LINGO2: variants seen among roughly 807,000 people sequenced by gnomAD.
LINGO2 encodes the protein leucine rich repeat and Ig domain containing 2, also known as leucine-rich repeat and immunoglobulin-like domain-containing nogo receptor-interacting protein 2.
LINGO2 carries 14 observed loss-of-function variants against 30.6 expected under a neutral mutation model. That is an observed-to-expected ratio of 0.46 (90% confidence interval 0.30 to 0.72). The LOEUF (loss-of-function observed/expected upper bound fraction) is 0.72, where lower values mean the gene tolerates loss of function less well. Ranked by LOEUF, LINGO2 falls within the 30% of genes least tolerant of loss-of-function variation. The pLI is 0.07. For missense variants in LINGO2, 729 were observed against 751.7 expected (o/e 0.97, Z 0.35); for synonymous variants, 317 against 288.5 (o/e 1.10, Z -1.00).
At chr9:29,136,303 A>G in the LINGO2 span, among the ~76,000 whole-genome samples, 3 of 152,104 alleles carry the variant, frequency 2.0e-5, no homozygotes, top group Non-Finnish European at 2.9e-5. Flanking sequence ...ATAAACTTAA[A>G]AAGAAATTTC....
the LINGO2 span, among the ~76,000 whole-genome samples, chr9:28,921,960 G>T: frequency 6.6e-6 from 1 of 152,230 alleles, no homozygotes; most frequent in African/African-American, 2.4e-5. Flanking sequence ...GCTCTTGGCA[G>T]GTGGTCTTCT....
chr9:28,089,519 G>A (rs141289596), intron 4 of LINGO2, among the ~76,000 whole-genome samples: 2 of 152,066 alleles, frequency 1.3e-5, no homozygotes, highest in Non-Finnish European at 2.9e-5. Context: ...GAACCAATGA[G>A]AACAAAGACA....
chr9:28,152,664 A>G (rs1828033523), intron 4 of LINGO2, among the ~76,000 whole-genome samples: 1 of 152,168 alleles, frequency 6.6e-6, no homozygotes, highest in Non-Finnish European at 1.5e-5. Flanking sequence ...GGACAACTGG[A>G]AGCTTTTTGA....
At chr9:28,638,094 G>A (rs563106861) in intron 1 of LINGO2, among the ~76,000 whole-genome samples, 37 of 152,108 alleles carry the variant, frequency 2.4e-4, no homozygotes, top group East Asian at 9.7e-4. Flanking sequence ...GGCTTTTGTC[G>A]TTGGTTCTGT....
chr9:28,801,554 A>G, the LINGO2 span, among the ~76,000 whole-genome samples: 1 of 152,222 alleles, frequency 6.6e-6, no homozygotes, highest in East Asian at 1.9e-4. Flanking sequence ...ACTTAATTTC[A>G]GTTACCTTAG....
At chr9:28,218,624 C>T (rs1820852288) in intron 4 of LINGO2, among the ~76,000 whole-genome samples, 2 of 152,232 alleles carry the variant, frequency 1.3e-5, no homozygotes, top group South Asian at 4.1e-4. Context: ...GAGTGGAGAA[C>T]ATGAGACCCT....
At chr9:28,302,367 T>A (rs756665938) in intron 3 of LINGO2, among the ~76,000 whole-genome samples, 6 of 152,184 alleles carry the variant, frequency 3.9e-5, no homozygotes, top group Non-Finnish European at 7.4e-5. Flanking sequence ...GGGATGTAGT[T>A]AGCATATTTG....
chr9:28,769,145 G>T, the LINGO2 span, among the ~76,000 whole-genome samples: 2 of 151,342 alleles, frequency 1.3e-5, no homozygotes, highest in African/African-American at 4.9e-5. Flanking sequence ...TTCTATATCT[G>T]CATTGTCAAA....
At chr9:29,101,475 G>A in the LINGO2 span, among the ~76,000 whole-genome samples, 1 of 152,042 alleles carries the variant, frequency 6.6e-6, no homozygotes, top group Non-Finnish European at 1.5e-5. Flanking sequence ...GGGATAGAAG[G>A]TAGGCCTGTA....
the LINGO2 span, among the ~76,000 whole-genome samples, chr9:28,933,672 G>C: frequency 1.3e-5 from 2 of 151,990 alleles, no homozygotes; most frequent in African/African-American, 2.4e-5. Flanking sequence ...TTGTATACTT[G>C]ATAACAAAAA....
At chr9:28,786,781 A>G in the LINGO2 span, among the ~76,000 whole-genome samples, 1 of 152,182 alleles carries the variant, frequency 6.6e-6, no homozygotes, top group East Asian at 1.9e-4. Flanking sequence ...AAGAACTGAA[A>G]TAACAGAGGG....
At chr9:29,108,232 T>C in the LINGO2 span, among the ~76,000 whole-genome samples, 1 of 152,118 alleles carries the variant, frequency 6.6e-6, no homozygotes, top group East Asian at 1.9e-4. Flanking sequence ...CTTGACATAA[T>C]ATAAACAAGA....
chr9:29,161,760 A>T, the LINGO2 span, among the ~76,000 whole-genome samples: 1 of 152,192 alleles, frequency 6.6e-6, no homozygotes, highest in African/African-American at 2.4e-5. Flanking sequence ...AACTCAAAGA[A>T]AACAGTTCCT....
At chr9:28,622,650 A>G (rs566887841) in intron 1 of LINGO2, among the ~76,000 whole-genome samples, 58 of 152,186 alleles carry the variant, frequency 3.8e-4, no homozygotes, top group African/African-American at 1.3e-3. Flanking sequence ...CAGTGCTGCA[A>G]CAAACACAGG....
At chr9:28,082,462 C>A (rs1023089957) in intron 4 of LINGO2, among the ~76,000 whole-genome samples, 14 of 144,802 alleles carry the variant, frequency 9.7e-5, no homozygotes, top group Non-Finnish European at 1.7e-4. Context: ...CATCTTAATA[C>A]AATTTTTTTT....
the LINGO2 span, among the ~76,000 whole-genome samples, chr9:28,755,420 T>C: frequency 7.8e-4 from 118 of 152,226 alleles, 1 homozygote; most frequent in African/African-American, 2.7e-3. Flanking sequence ...AACATTTTCC[T>C]CACAGGATTA....
chr9:28,366,876 C>T (rs1820699304), intron 3 of LINGO2, among the ~76,000 whole-genome samples: 1 of 151,600 alleles, frequency 6.6e-6, no homozygotes, highest in African/African-American at 2.4e-5. Context: ...TAATAATAAC[C>T]TGCTTTATTC....
chr9:28,417,118 A>G (rs1220961789), intron 2 of LINGO2, among the ~76,000 whole-genome samples: 1 of 152,158 alleles, frequency 6.6e-6, no homozygotes, highest in Non-Finnish European at 1.5e-5. Flanking sequence ...ATTCAGTTAT[A>G]TATTGCTGTG....
chr9:29,182,057 T>C, the LINGO2 span, among the ~76,000 whole-genome samples: 3 of 152,014 alleles, frequency 2.0e-5, no homozygotes, highest in African/African-American at 7.2e-5. Context: ...CCTATGAAAA[T>C]TGTTATACAG....
Sources: allele counts gnomAD v4.1 joint callset (sites outside exome capture counted in the v4.1 genomes callset), GRCh38; gene constraint gnomAD v4.1.1; transcripts MANE v1.5; gene names NCBI Gene and HGNC (gene_info 2026-07-23, HGNC 2026-07-21).